The following ATP8A1 variants were observed in gnomAD, a reference collection of about 807,000 sequenced individuals.
The protein encoded by ATP8A1 is ATPase phospholipid transporting 8A1.
Under a neutral mutation model 177.7 loss-of-function variants are expected in ATP8A1, and 90 were observed. The ratio of observed to expected loss-of-function variants is 0.51; its 90% CI spans 0.43 to 0.60. The LOEUF is 0.60. Ranked by LOEUF, ATP8A1 falls within the 20% of genes least tolerant of loss-of-function variation. The probability of loss-of-function intolerance (pLI) is 0.00; values close to 1 mark genes in which losing one functional copy is unlikely to be tolerated. For synonymous variants in ATP8A1, 493 were observed against 485.9 expected (o/e 1.01, Z -0.19); for missense variants, 1,072 against 1,392.8 (o/e 0.77, Z 3.67).
chr4:42,615,916 C>A (rs986932570), intron 5 of ATP8A1, 117 bp downstream of exon 5: 11 of 960,748 alleles, frequency 1.1e-5, no homozygotes, highest in Middle Eastern at 6.1e-4. Flanking sequence ...TCAATCTACC[C>A]CAAAACAAAA....
At chr4:42,616,364 A>C (rs1736914783) in intron 4 of ATP8A1, among the ~76,000 whole-genome samples, 1 of 152,172 alleles carries the variant, frequency 6.6e-6, no homozygotes, top group East Asian at 1.9e-4. Context: ...CTCGGCACAT[A>C]GGTAGGATTA....
At chr4:42,622,275 G>A (rs1267447684) in intron 4 of ATP8A1, among the ~76,000 whole-genome samples, 1 of 151,818 alleles carries the variant, frequency 6.6e-6, no homozygotes, top group Non-Finnish European at 1.5e-5. Context: ...CCAGCTACTC[G>A]GGAGGCTGAG....
chr4:42,522,375 A>G, intron 21 of ATP8A1, 76 bp from the exon 22 acceptor site: 1 of 1,540,970 alleles, frequency 6.5e-7, no homozygotes, highest in Non-Finnish European at 8.7e-7. Context: ...TTTTTATTTC[A>G]CAAAGTCCCA....
intron 33 of ATP8A1, among the ~76,000 whole-genome samples, chr4:42,442,794 A>T (rs2153174390): frequency 6.6e-6 from 1 of 152,358 alleles, no homozygotes; most frequent in Admixed American, 6.5e-5. Context: ...GACTGCGGTA[A>T]AACAATGTAC....
chr4:42,650,698 G>A (rs1382757125), intron 1 of ATP8A1, among the ~76,000 whole-genome samples: 5 of 152,074 alleles, frequency 3.3e-5, no homozygotes, highest in African/African-American at 9.7e-5. Flanking sequence ...TCAAATAAAT[G>A]TCATTATATT....
chr4:42,555,696 GC>G (rs1730148730), intron 16 of ATP8A1, among the ~76,000 whole-genome samples: 1 of 152,086 alleles, frequency 6.6e-6, no homozygotes, highest in African/African-American at 2.4e-5. Flanking sequence ...GGTGGCGAGT[GC>G]CTGTAATCCC....
At chr4:42,500,212 A>C (rs1723717988) in intron 24 of ATP8A1, among the ~76,000 whole-genome samples, 2 of 152,148 alleles carry the variant, frequency 1.3e-5, no homozygotes, top group South Asian at 4.1e-4. Flanking sequence ...TAAAAATACA[A>C]AAATTAGCTG....
chr4:42,551,184 A>G lies in ATP8A1; in HGVS notation c.1602+14T>C. ...TACTTGGATTAAAAAGAACCTTAAA[A>G]ACAACTAACTTACTGAATCTATAAT... On this transcript the variant is annotated intron_variant, in intron 18 of 36. Coordinates refer to ENST00000381668, the MANE Select transcript of ATP8A1 (RefSeq NM_006095.2). 1 of 1,604,612 alleles carries G rather than the reference A, an allele frequency of 6.2e-7. No individual in the cohort carries two copies. The highest frequency in any genetic ancestry group is 1.1e-5 in the South Asian group (1 of 90,836).
intron 22 of ATP8A1, among the ~76,000 whole-genome samples, chr4:42,517,712 G>A (rs1005298719): frequency 1.3e-5 from 2 of 152,188 alleles, no homozygotes; most frequent in Admixed American, 6.6e-5. Flanking sequence ...CAACTGATTC[G>A]TGAAACAACT....
intron 1 of ATP8A1, 110 bp downstream of exon 1, chr4:42,656,715 T>A: frequency 1.5e-6 from 2 of 1,296,210 alleles, no homozygotes; most frequent in Non-Finnish European, 2.0e-6. Flanking sequence ...ACAGTCGGAC[T>A]GCCGCCGGGG....
chr4:42,480,826 A>C (rs1475311431), intron 25 of ATP8A1, among the ~76,000 whole-genome samples: 1 of 152,186 alleles, frequency 6.6e-6, no homozygotes, highest in East Asian at 1.9e-4. Flanking sequence ...AAAGGGGGTT[A>C]AACTTTGATT....
intron 6 of ATP8A1, among the ~76,000 whole-genome samples, chr4:42,596,623 C>T (rs975771396): frequency 1.4e-4 from 20 of 148,090 alleles, no homozygotes; most frequent in Admixed American, 3.4e-4. Flanking sequence ...GCCGAGATTG[C>T]GCCACTGCAT....
At chr4:42,634,665 C>T (rs768237639) in intron 1 of ATP8A1, among the ~76,000 whole-genome samples, 34 of 152,174 alleles carry the variant, frequency 2.2e-4, no homozygotes, top group Admixed American at 9.2e-4. Context: ...TAGCTACCTA[C>T]GCTCTTACAA....
At chr4:42,498,264 C>T (rs932592052) in intron 24 of ATP8A1, among the ~76,000 whole-genome samples, 12 of 152,092 alleles carry the variant, frequency 7.9e-5, no homozygotes, top group African/African-American at 2.2e-4. Flanking sequence ...AACAGTGGCC[C>T]GTTCCCAAAA....
At chr4:42,619,798 C>T (rs1385878228) in intron 4 of ATP8A1, among the ~76,000 whole-genome samples, 1 of 152,158 alleles carries the variant, frequency 6.6e-6, no homozygotes, top group African/African-American at 2.4e-5. Flanking sequence ...CCTGAGATAA[C>T]ACCTTCTCTT....
chr4:42,598,951 A>G (rs1036772616), intron 6 of ATP8A1, among the ~76,000 whole-genome samples: 1 of 152,124 alleles, frequency 6.6e-6, no homozygotes, highest in Non-Finnish European at 1.5e-5. Flanking sequence ...TTATCTCAAA[A>G]TGGGATGCCT....
At chr4:42,465,338 C>G (rs1239898182) in intron 25 of ATP8A1, among the ~76,000 whole-genome samples, 1 of 152,170 alleles carries the variant, frequency 6.6e-6, no homozygotes, top group East Asian at 1.9e-4. Flanking sequence ...TAAACATTAG[C>G]CTGCCAGAAT....
chr4:42,492,206 C>A (rs1469602313), intron 24 of ATP8A1, among the ~76,000 whole-genome samples: 1 of 152,058 alleles, frequency 6.6e-6, no homozygotes, highest in Admixed American at 6.6e-5. Flanking sequence ...AACAAGTATC[C>A]AGCATCTATA....
chr4:42,425,751 C>G lies in ATP8A1; in HGVS notation c.3124-2046G>C, dbSNP rs924404732. ...TTGCTCCGAACAGGAGCAGCCTGTT[C>G]GGGCCGAGCTCCGGTTCCCTCCGAG... On this transcript the variant is annotated intron_variant, in intron 33 of 36. Transcript: ENST00000381668. Among the ~76,000 whole-genome samples, 5 of 152,124 alleles carry G rather than the reference C, an allele frequency of 3.3e-5. No homozygotes were observed. The East Asian group carries it at 9.6e-4, about 29-fold the overall frequency.
Sources: gnomAD v4.1 joint callset for allele counts (sites outside exome capture counted in the v4.1 genomes callset) on GRCh38, gnomAD v4.1.1 for gene constraint, MANE v1.5 for transcripts, NCBI Gene and HGNC (gene_info 2026-07-23, HGNC 2026-07-21) for gene names.